Variants in PDE1A observed in about 807,000 individuals in gnomAD.
PDE1A encodes phosphodiesterase 1A, also known as dual specificity calcium/calmodulin-dependent 3',5'-cyclic nucleotide phosphodiesterase 1A.
A neutral mutation model predicts 61.7 loss-of-function variants in PDE1A; 35 were observed. That is an observed-to-expected ratio of 0.57 (90% confidence interval 0.43 to 0.75). The LOEUF (loss-of-function observed/expected upper bound fraction) is 0.75, where lower values mean the gene tolerates loss of function less well. Among genes scored for constraint, PDE1A ranks in the 30% least tolerant of loss-of-function variants. The pLI is 0.00. For synonymous variants in PDE1A, 232 were observed against 213.2 expected, an observed-to-expected ratio of 1.09 and a Z score of -0.77; for missense variants, 597 against 630.6, an observed-to-expected ratio of 0.95 and a Z score of 0.57.
intron 2 of PDE1A, among the ~76,000 whole-genome samples, chr2:182,472,688 T>C (rs1687104155): frequency 6.6e-6 from 1 of 151,874 alleles, no homozygotes; most frequent in Non-Finnish European, 1.5e-5. Context: ...AAAATTGCAC[T>C]TGTACCCATG....
chr2:182,350,203 C>T (rs1473390777), intron 1 of PDE1A, among the ~76,000 whole-genome samples: 1 of 152,160 alleles, frequency 6.6e-6, no homozygotes, highest in East Asian at 1.9e-4. Flanking sequence ...TTCTCTGATT[C>T]AGCATTATCT....
At chr2:182,177,950 C>A (rs3769806) in intron 13 of PDE1A, among the ~76,000 whole-genome samples, 1 of 151,866 alleles carries the variant, frequency 6.6e-6, no homozygotes, top group African/African-American at 2.4e-5. Context: ...GATAAATGTT[C>A]TTTGAATAAT....
intron 1 of PDE1A, among the ~76,000 whole-genome samples, chr2:182,302,909 T>C (rs1559314867): frequency 6.6e-6 from 1 of 152,240 alleles, no homozygotes; most frequent in Admixed American, 6.5e-5. Flanking sequence ...AACCACTTTC[T>C]TTGCTCACGC....
At chr2:182,620,056 C>T in the PDE1A span, among the ~76,000 whole-genome samples, 1 of 152,086 alleles carries the variant, frequency 6.6e-6, no homozygotes, top group South Asian at 2.1e-4. Flanking sequence ...TACATTTCAA[C>T]ATGAGTTTTG....
intron 1 of PDE1A, among the ~76,000 whole-genome samples, chr2:182,281,540 C>G (rs1693807057): frequency 6.6e-6 from 1 of 151,780 alleles, no homozygotes; most frequent in South Asian, 2.1e-4. Context: ...GTGAAAGAGC[C>G]AGCTGCTGAA....
At chr2:182,631,465 A>G in the PDE1A span, among the ~76,000 whole-genome samples, 3 of 152,202 alleles carry the variant, frequency 2.0e-5, no homozygotes, top group African/African-American at 7.2e-5. Flanking sequence ...ACAATGCCAC[A>G]TTAGGGAAAG....
chr2:182,692,833 T>C, the PDE1A span, among the ~76,000 whole-genome samples: 1 of 151,902 alleles, frequency 6.6e-6, no homozygotes, highest in African/African-American at 2.4e-5. Flanking sequence ...TGCCTCCTCT[T>C]GGGTCATTTC....
chr2:182,223,970 A>G lies in PDE1A; in HGVS notation c.676-6T>C. The G allele has an allele frequency of 6.3e-7, 1 of 1,583,196 alleles. No individual in the cohort carries two copies. The highest frequency in any genetic ancestry group is 8.6e-7 in the Non-Finnish European group (1 of 1,156,664). On this transcript the variant is annotated splice_region_variant and splice_polypyrimidine_tract_variant and intron_variant, in intron 6 of 13. Coordinates refer to ENST00000351439, the Ensembl canonical transcript of PDE1A. The stretch of plus-strand genomic sequence containing the variant: ...TCCAGTTCAGTGAGCCAGTGCTAGT[A>G]AATTACAGAAAGAATCCATTATATT...
chr2:182,613,432 G>A, the PDE1A span, among the ~76,000 whole-genome samples: 1 of 151,966 alleles, frequency 6.6e-6, no homozygotes, highest in Non-Finnish European at 1.5e-5. Flanking sequence ...GCATGGTGAT[G>A]GGCACCTGTA....
intron 1 of PDE1A, 65 bp from the exon 2 acceptor site, chr2:182,264,479 G>GT: frequency 1.1e-5 from 12 of 1,142,268 alleles, no homozygotes; most frequent in Non-Finnish European, 1.4e-5. Flanking sequence ...ATGGAAAATA[G>GT]TACAGTATTA....
intron 2 of PDE1A, among the ~76,000 whole-genome samples, chr2:182,513,062 C>T (rs1031399339): frequency 1.3e-5 from 2 of 152,094 alleles, no homozygotes; most frequent in Non-Finnish European, 2.9e-5. Context: ...CCCAACCTCA[C>T]TAGAGAGGTT....
In PDE1A at chr2:182,149,963, A is replaced by G. The variant is rs556152933; in HGVS notation, c.1517-2811T>C. ...TTAAAATACAGTTATCAACATATTT[A>G]AGTAAACCTAGTGATGTGCTATAGT... On this transcript the variant is annotated intron_variant, in intron 13 of 13. Transcript: ENST00000409365. 2.0e-5 allele frequency among the ~76,000 whole-genome samples: 3 copies of G among 152,322 alleles called. No individual in the cohort carries two copies. The South Asian group carries it at 6.2e-4, about 32-fold the overall frequency.
rs144244838 is a variant in PDE1A, at chr2:182,360,307, C to T, written c.53+66271G>A. Among the ~76,000 whole-genome samples, 788 of 152,136 alleles carry T rather than the reference C, an allele frequency of 5.2e-3. 1 individual carries two copies. Among genetic ancestry groups the T allele is most frequent in the Non-Finnish European group, 9.3e-3 (634 of 67,978 alleles). On this transcript the variant is annotated intron_variant, in intron 1 of 13. Coordinates refer to ENST00000351439, the Ensembl canonical transcript of PDE1A. The stretch of plus-strand genomic sequence containing the variant: ...CTTCTTTATCCCAGACTTTTAAATT[C>T]GTATAATCTCATCCATCACTCACAG...
chr2:182,382,390 C>T (rs1402150970), intron 1 of PDE1A, among the ~76,000 whole-genome samples: 1 of 152,208 alleles, frequency 6.6e-6, no homozygotes, highest in Non-Finnish European at 1.5e-5. Flanking sequence ...CCCTGACTAA[C>T]AACCAGCAAG....
intron 2 of PDE1A, among the ~76,000 whole-genome samples, chr2:182,443,118 AT>A (rs1684899196): frequency 6.6e-6 from 1 of 151,854 alleles, no homozygotes; most frequent in South Asian, 2.1e-4. Context: ...CTTAACTCAC[AT>A]GCCATTGTTT....
intron 1 of PDE1A, among the ~76,000 whole-genome samples, chr2:182,377,341 A>G (rs1700471490): frequency 6.6e-6 from 1 of 152,130 alleles, no homozygotes; most frequent in African/African-American, 2.4e-5. Context: ...CTCTCGCCAT[A>G]TAACATGCCT....
the PDE1A span, among the ~76,000 whole-genome samples, chr2:182,550,197 C>G: frequency 1.3e-5 from 2 of 152,146 alleles, no homozygotes; most frequent in Non-Finnish European, 2.9e-5. Flanking sequence ...GAGAATGACA[C>G]GTAACTAGTT....
the PDE1A span, among the ~76,000 whole-genome samples, chr2:182,538,343 C>A: frequency 6.6e-6 from 1 of 152,038 alleles, no homozygotes; most frequent in African/African-American, 2.4e-5. Context: ...AAATATAGAA[C>A]AGTGTTTGAA....
upstream of PDE1A, among the ~76,000 whole-genome samples, chr2:182,527,327 A>AAAAT (rs1690791538): frequency 2.9e-4 from 6 of 20,704 alleles, no homozygotes; most frequent in Non-Finnish European, 3.9e-4. Context: ...AAAAAAAAAA[A>AAAAT]ATATATATAT....
Sources: allele counts gnomAD v4.1 joint callset (sites outside exome capture counted in the v4.1 genomes callset), GRCh38; gene constraint gnomAD v4.1.1; transcripts MANE v1.5; gene names NCBI Gene and HGNC (gene_info 2026-07-23, HGNC 2026-07-21).